The following CHRNB1 variants were observed in gnomAD, a reference collection of about 807,000 sequenced individuals.
CHRNB1 encodes the protein acetylcholine receptor subunit beta.
CHRNB1 carries 47 observed loss-of-function variants against 53.8 expected under a neutral mutation model. The ratio of observed to expected loss-of-function variants is 0.87; its 90% CI spans 0.69 to 1.11. CHRNB1 has a LOEUF of 1.11. CHRNB1 is among the 50% of genes most tolerant of loss of function. CHRNB1 has a pLI of 0.00. For missense variants in CHRNB1, 605 were observed against 654.9 expected (o/e 0.92, Z 0.83); for synonymous variants, 259 against 263.5 (o/e 0.98, Z 0.16).
chr17:7,455,376 A>G lies in CHRNB1; in HGVS notation c.1137A>G (p.Pro379=). Residue 379 remains proline, a synonymous_variant, in exon 9 of 11, where the codon CCA becomes CCG. Coordinates refer to ENST00000306071, the MANE Select transcript of CHRNB1 (RefSeq NM_000747.3). The stretch of plus-strand genomic sequence containing the variant: ...CGGAGCCCCCTCACTGTTCTTCTCC[A>G]GGAAGTGGCTGGGGTCGGGGAACAG... ...LMPEPPHCSS[P]GSGWGRGTDE... The G allele has an allele frequency of 6.2e-7, 1 of 1,614,056 alleles. No homozygotes were observed. The highest frequency in any genetic ancestry group is 2.2e-5 in the East Asian group (1 of 44,896).
intron 7 of CHRNB1, among the ~76,000 whole-genome samples, chr17:7,453,188 A>G (rs940255458): frequency 6.6e-6 from 1 of 151,826 alleles, no homozygotes; most frequent in African/African-American, 2.4e-5. Context: ...CACGATCTCG[A>G]CTCACTGCAA....
At chr17:7,454,880 G>A (rs1909020853) in intron 8 of CHRNB1, among the ~76,000 whole-genome samples, 1 of 131,536 alleles carries the variant, frequency 7.6e-6, no homozygotes, top group Admixed American at 9.8e-5. Context: ...TCAGCTCACT[G>A]CAACCTTCAC....
rs1437050274 is a variant in CHRNB1, at chr17:7,445,284, G to A, written c.73G>A (p.Glu25Lys). 1 of 1,612,766 alleles carries A rather than the reference G, an allele frequency of 6.2e-7. No homozygotes were observed. The highest frequency in any genetic ancestry group is 8.5e-7 in the Non-Finnish European group (1 of 1,179,744). ...APLAPGVRGS[E>K]AEGRLREKLF... Reference sequence around the variant, plus strand: ...TCCTCCCCCAGGCGTCCGCGGCTCGGAGGCGGAGGGTCGACTCCGGGAGAA... The same window carrying A: ...TCCTCCCCCAGGCGTCCGCGGCTCGAAGGCGGAGGGTCGACTCCGGGAGAA... The change falls in exon 2 of 11, where the codon GAG becomes AAG. Residue 25 changes from glutamate (E) to lysine (K), a missense_variant. Physicochemically the swap from Glu to Lys is moderately conservative, Grantham distance 56. Coordinates refer to ENST00000306071, the MANE Select transcript of CHRNB1 (RefSeq NM_000747.3). This position sits in a 1 kb window ranked among gnomAD's most constrained non-coding sequence, Gnocchi z 5.7.
intron 6 of CHRNB1, 126 bp downstream of exon 6, chr17:7,447,776 C>A (rs956558242): frequency 1.7e-5 from 20 of 1,189,528 alleles, no homozygotes; most frequent in African/African-American, 3.0e-5. Context: ...TGGCTATCTA[C>A]ATTTTAAAAG....
intron 8 of CHRNB1, 146 bp from the exon 9 acceptor site, chr17:7,455,138 C>A: frequency 1.1e-6 from 1 of 915,764 alleles, no homozygotes. Context: ...TGTGTGGCTG[C>A]ATTTCCTTGT....
At position 7,455,882 on chromosome 17, in the gene CHRNB1, G is replaced by T. The variant is rs1039338082; in HGVS notation, c.1306G>T (p.Val436Phe). ...AVALLPELRE[V>F]VSSISYIARQ... is the part of the protein sequence containing the mutation. ...GGCCCTGCTTCCGGAGCTACGGGAGGTCGTCTCCTCTATCAGCTACATCGC... is the reference window on the plus strand; with the variant it reads ...GGCCCTGCTTCCGGAGCTACGGGAGTTCGTCTCCTCTATCAGCTACATCGC... Residue 436 changes from valine (V) to phenylalanine (F), a missense_variant, in exon 10 of 11, where the codon GTC becomes TTC. Transcript: ENST00000306071. The T allele has an allele frequency of 6.2e-7, 1 of 1,614,060 alleles. No individual in the cohort carries two copies. Among genetic ancestry groups the T allele is most frequent in the Non-Finnish European group, 8.5e-7 (1 of 1,180,026 alleles).
Position 7,445,091 on chromosome 17 carries a change from G to T in CHRNB1, c.-37G>T. 2 of 1,597,830 alleles carry T rather than the reference G, an allele frequency of 1.3e-6. No individual in the cohort carries two copies. Among genetic ancestry groups the T allele is most frequent in the South Asian group, 2.2e-5 (2 of 89,570 alleles). On this transcript the variant is annotated 5_prime_UTR_variant, in exon 1 of 11. Transcript: ENST00000306071. This position sits in a 1 kb window ranked among gnomAD's most constrained non-coding sequence, Gnocchi z 5.7. Reference sequence around the variant, plus strand: ...TTCCCCTGTGCTGGCGGTCCCAGCGGCTCTCTGAGCGAAGTCACTGAGCGA... The same window carrying T: ...TTCCCCTGTGCTGGCGGTCCCAGCGTCTCTCTGAGCGAAGTCACTGAGCGA...
chr17:7,455,907 C>A lies in CHRNB1; in HGVS notation c.1331C>A (p.Ala444Asp), dbSNP rs771205265. The A allele has an allele frequency of 6.2e-7, 1 of 1,614,138 alleles. No individual in the cohort carries two copies. The highest frequency in any genetic ancestry group is 8.5e-7 in the Non-Finnish European group (1 of 1,180,020). ...GTCGTCTCCTCTATCAGCTACATCG[C>A]TCGACAGCTGCAGGAACAGGAGGAC... The part of the protein sequence containing the change: ...REVVSSISYI[A>D]RQLQEQEDHD... The change falls in exon 10 of 11, where the codon GCT becomes GAT. Residue 444 changes from alanine (A) to aspartate (D), a missense_variant. Physicochemically the swap from Ala to Asp is moderately radical, Grantham distance 126 (BLOSUM62 -2). Transcript: ENST00000306071.
intron 7 of CHRNB1, among the ~76,000 whole-genome samples, chr17:7,451,719 C>T (rs371874546): frequency 6.6e-6 from 1 of 152,200 alleles, no homozygotes; most frequent in African/African-American, 2.4e-5. Context: ...ATCTCCAGGC[C>T]TGAAGCCCCA....
Position 7,455,535 on chromosome 17 carries a change from C to T in CHRNB1, c.1217+79C>T, listed in dbSNP as rs572383677. 6 of 1,558,848 alleles carry T rather than the reference C, an allele frequency of 3.8e-6. No individual in the cohort carries two copies. The African/African-American group carries it at 6.8e-5, about 18-fold the overall frequency. ...AGAAGAGTGTGCGGAAGAAGCGGCC[C>T]ATGCTCTCGGAAGACGCTGTGGTTG... On this transcript the variant is annotated intron_variant, in intron 9 of 10. Transcript: ENST00000306071.
chr17:7,457,057 C>T lies in CHRNB1; in HGVS notation c.*334C>T. 2 of 318,874 alleles carry T rather than the reference C, an allele frequency of 6.3e-6. No individual in the cohort carries two copies. The allele number at this position is 318,874 out of a possible 1,614,324, so 19.8% of individuals were successfully genotyped here. A position where few individuals can be genotyped will look rare whatever the true frequency, so the allele number is the denominator to read the frequency against. ...ACTTGGCCGGGCGCGGTGGCTCACGCCTGTAATCCCAGCACTTTGGGAGGC... is the reference window on the plus strand; with the variant it reads ...ACTTGGCCGGGCGCGGTGGCTCACGTCTGTAATCCCAGCACTTTGGGAGGC... On this transcript the variant is annotated 3_prime_UTR_variant, in exon 11 of 11. Coordinates refer to ENST00000306071, the MANE Select transcript of CHRNB1 (RefSeq NM_000747.3).
intron 7 of CHRNB1, among the ~76,000 whole-genome samples, chr17:7,451,596 CGTT>C (rs1567678791): frequency 6.6e-6 from 1 of 151,746 alleles, no homozygotes; most frequent in Non-Finnish European, 1.5e-5. Flanking sequence ...TGTTTTTTAA[CGTT>C]GGTCTTTCGG....
At position 7,445,198 on chromosome 17, in the gene CHRNB1, C is replaced by A; in HGVS notation, c.58+13C>A. The stretch of plus-strand genomic sequence containing the variant: ...CCGCTCGCCCCAGGTAAGTGTAGGC[C>A]CCGAAGGGGCAGTGACGGGGCCAGC... On this transcript the variant is annotated intron_variant, in intron 1 of 10. Transcript: ENST00000306071. The surrounding 1 kb of genome is among the most constrained non-coding windows in gnomAD (Gnocchi z 5.7). 2 of 1,611,092 alleles carry A rather than the reference C, an allele frequency of 1.2e-6. No individual in the cohort carries two copies. The highest frequency in any genetic ancestry group is 2.2e-5 in the East Asian group (1 of 44,832).
At position 7,445,915 on chromosome 17, in the gene CHRNB1, TAAAC is replaced by T. The variant is rs948803862; in HGVS notation, c.199-153_199-150del. The T allele has an allele frequency of 1.5e-5, 11 of 730,594 alleles. No homozygotes were observed. The African/African-American group carries it at 1.6e-4, about 10-fold the overall frequency. 45.3% of individuals were successfully genotyped at this position (730,594 alleles called of 1,614,324 possible). Reference sequence around the variant, plus strand: ...GTGTTTCTGAGATAGAGGCAGGTCTTAAACTAACGCCGCTTCTGGGAGGTGGACT... The same window carrying T: ...GTGTTTCTGAGATAGAGGCAGGTCTTTAACGCCGCTTCTGGGAGGTGGACT... On this transcript the variant is annotated intron_variant, in intron 2 of 10. Coordinates refer to ENST00000306071, the MANE Select transcript of CHRNB1 (RefSeq NM_000747.3). The surrounding 1 kb of genome is among the most constrained non-coding windows in gnomAD (Gnocchi z 5.7).
At chr17:7,446,251 AAC>A in intron 3 of CHRNB1, 138 bp downstream of exon 3, 1 of 780,396 alleles carries the variant, frequency 1.3e-6, no homozygotes. Context: ...TCGAAGAAAC[AAC>A]ACTTAACTTT....
rs148960479 is a variant in CHRNB1 at position 7,450,441 on chromosome 17, C to G, written c.820+1653C>G. ...TATAGGCATCAGCCACCACACCTGG[C>G]CAAATTCCTTAATCCCTATGTGTCT... On this transcript the variant is annotated intron_variant, in intron 7 of 10. Transcript: ENST00000306071. 4.0e-3 allele frequency among the ~76,000 whole-genome samples: 616 copies of G among 152,252 alleles called. 8 individuals carry two copies. The highest frequency in any genetic ancestry group is 0.014 in the African/African-American group (591 of 41,530).
rs533272731 is a variant in CHRNB1 at position 7,446,265 on chromosome 17, C to T, written c.243+152C>T. ...CTCGAAGAAACAACACTTAACTTTA[C>T]TACAGGAGTTACACCCCATGCATTT... On this transcript the variant is annotated intron_variant, in intron 3 of 10. Coordinates refer to ENST00000306071, the MANE Select transcript of CHRNB1 (RefSeq NM_000747.3). 7.0e-6 allele frequency: 5 copies of T among 711,386 alleles called. No homozygotes were observed. In the Admixed American group the frequency reaches 1.1e-4, roughly 15 times the overall value. 44.1% of individuals were successfully genotyped at this position (711,386 alleles called of 1,614,324 possible).
At chr17:7,446,779 C>T (rs1172351805) in intron 3 of CHRNB1, 54 bp from the exon 4 acceptor site, 2 of 1,440,892 alleles carry the variant, frequency 1.4e-6, no homozygotes, top group African/African-American at 1.4e-5. Context: ...TTGGAAATCC[C>T]AAGTCCCTCC....
chr17:7,448,144 G>A (rs2150839032), intron 6 of CHRNB1, among the ~76,000 whole-genome samples: 1 of 148,082 alleles, frequency 6.8e-6, no homozygotes, highest in African/African-American at 2.5e-5. Context: ...CAGTATTTTG[G>A]GAGGTGGAGG....
Sources: gnomAD v4.1 joint callset for allele counts (sites outside exome capture counted in the v4.1 genomes callset) on GRCh38, gnomAD v4.1.1 for gene constraint, Gnocchi (gnomAD v3.1) non-coding constraint, MANE v1.5 for transcripts, NCBI Gene and HGNC (gene_info 2026-07-23, HGNC 2026-07-21) for gene names.